SLC4A8: variants seen among roughly 807,000 people sequenced by gnomAD.
SLC4A8 encodes the protein solute carrier family 4 member 8, also known as electroneutral sodium bicarbonate exchanger 1.
SLC4A8 carries 40 observed loss-of-function variants against 125.0 expected under a neutral mutation model. The observed-to-expected ratio is 0.32, with a 90% confidence interval of 0.25 to 0.42. The LOEUF is 0.42. SLC4A8 is among the 10% of genes least tolerant of loss of function. The pLI is 1.00. For missense variants in SLC4A8, 863 were observed against 1,355.1 expected, an observed-to-expected ratio of 0.64 and a Z score of 5.70; for synonymous variants, 456 against 476.0, an observed-to-expected ratio of 0.96 and a Z score of 0.55.
intron 11 of SLC4A8, among the ~76,000 whole-genome samples, chr12:51,466,193 T>G (rs1053045101): frequency 6.6e-6 from 1 of 152,166 alleles, no homozygotes; most frequent in Non-Finnish European, 1.5e-5. Flanking sequence ...ACCTCCCTGA[T>G]ATTGACTAAG....
intron 1 of SLC4A8, among the ~76,000 whole-genome samples, chr12:51,433,211 C>T (rs973372190): frequency 4.6e-5 from 7 of 152,194 alleles, no homozygotes; most frequent in African/African-American, 1.7e-4. Context: ...CATGACAATG[C>T]TTTCTTTCTC....
At chr12:51,427,039 C>T (rs951153368) in intron 1 of SLC4A8, among the ~76,000 whole-genome samples, 4 of 150,890 alleles carry the variant, frequency 2.7e-5, no homozygotes, top group Non-Finnish European at 5.9e-5. Context: ...CCCAGGTTCA[C>T]GCCATTCTCC....
intron 15 of SLC4A8, 139 bp downstream of exon 15, chr12:51,474,586 CACTT>C (rs1415547494): frequency 3.5e-6 from 5 of 1,412,102 alleles, no homozygotes; most frequent in African/African-American, 1.4e-5. Context: ...AATTCTTACT[CACTT>C]TCTTTTATCC....
At chr12:51,502,909 T>C (rs990134567) in intron 22 of SLC4A8, among the ~76,000 whole-genome samples, 14 of 151,224 alleles carry the variant, frequency 9.3e-5, no homozygotes, top group African/African-American at 3.2e-4. Context: ...TGGCGCCATC[T>C]TGGCTCACTG....
At chr12:51,406,283 AAATAAC>A in intron 1 of SLC4A8, among the ~76,000 whole-genome samples, 1 of 152,246 alleles carries the variant, frequency 6.6e-6, no homozygotes, top group Non-Finnish European at 1.5e-5. Context: ...GGCCTGGTAT[AAATAAC>A]ATTCTAAGTC....
At chr12:51,438,676 C>A (rs568976265) in intron 1 of SLC4A8, among the ~76,000 whole-genome samples, 1 of 152,234 alleles carries the variant, frequency 6.6e-6, no homozygotes, top group South Asian at 2.1e-4. Context: ...TATGGTGGTT[C>A]TGTTTGTAGT....
intron 17 of SLC4A8, among the ~76,000 whole-genome samples, chr12:51,486,298 G>A (rs1201686171): frequency 6.6e-6 from 1 of 152,070 alleles, no homozygotes; most frequent in African/African-American, 2.4e-5. Context: ...AAGGGCACTG[G>A]GAAGAATGAA....
intron 16 of SLC4A8, among the ~76,000 whole-genome samples, chr12:51,476,839 A>G (rs1950868698): frequency 6.6e-6 from 1 of 150,474 alleles, no homozygotes; most frequent in African/African-American, 2.5e-5. Flanking sequence ...TTTTTTTTTC[A>G]TTGCACACAA....
rs150411117 is a variant in SLC4A8 at position 51,511,210 on chromosome 12, T to C, written c.*3772T>C. ...CATGGTGGAGCTTGTTTCTGAGGCA[T>C]GGTACAGTGCTGCGGAGGCAAGGCA... On this transcript the variant is annotated 3_prime_UTR_variant, in exon 25 of 25. Transcript: ENST00000453097. The C allele has an allele frequency of 6.6e-6, 1 of 152,220 alleles. No homozygotes were observed. The highest frequency in any genetic ancestry group is 2.4e-5 in the African/African-American group (1 of 41,424). The allele number at this position is 152,220 out of a possible 1,614,324, so 9.4% of individuals were successfully genotyped here.
At chr12:51,478,223 C>G (rs901711213) in intron 16 of SLC4A8, among the ~76,000 whole-genome samples, 1 of 148,298 alleles carries the variant, frequency 6.7e-6, no homozygotes, top group African/African-American at 2.5e-5. Flanking sequence ...TGCAGTGAGC[C>G]AAGATCGTGC....
chr12:51,497,050 TG>T lies in SLC4A8; in HGVS notation c.3009del (p.Trp1003CysfsTer2). The T allele has an allele frequency of 6.2e-7, 1 of 1,614,124 alleles. No homozygotes were observed. The highest frequency in any genetic ancestry group is 8.5e-7 in the Non-Finnish European group (1 of 1,179,992). On this transcript the variant is annotated frameshift_variant, in exon 22 of 25. Coordinates refer to ENST00000453097, the MANE Select transcript of SLC4A8 (RefSeq NM_001039960.3). LOFTEE classifies it high-confidence loss of function. ...DLCFSKRELSWLDDLMPESKK... is the reference protein window; with the variant it reads ...DLCFSKRELSXLDDLMPESKK... ...CTGTTTCTCTAAGCGAGAGCTGAGC[TG>T]GCTAGATGATCTCATGCCTGAAAGC...
chr12:51,505,530 G>A (rs1240068895), intron 23 of SLC4A8, among the ~76,000 whole-genome samples: 1 of 152,248 alleles, frequency 6.6e-6, no homozygotes, highest in African/African-American at 2.4e-5. Flanking sequence ...TGATATCATA[G>A]TGTTGTCAGC....
At chr12:51,474,749 G>C (rs2138326823) in intron 15 of SLC4A8, among the ~76,000 whole-genome samples, 1 of 152,288 alleles carries the variant, frequency 6.6e-6, no homozygotes, top group South Asian at 2.1e-4. Context: ...GTTGAAGAAT[G>C]TTCAAGTTTG....
intron 1 of SLC4A8, among the ~76,000 whole-genome samples, chr12:51,431,271 TCTC>T (rs1262152990): frequency 3.9e-5 from 6 of 152,238 alleles, no homozygotes; most frequent in Non-Finnish European, 7.3e-5. Context: ...TTTAGGATGA[TCTC>T]CTTATTGTAA....
intron 16 of SLC4A8, among the ~76,000 whole-genome samples, chr12:51,477,414 C>T (rs1244957192): frequency 1.3e-5 from 2 of 151,958 alleles, no homozygotes; most frequent in African/African-American, 4.8e-5. Context: ...ATTAGTTTCC[C>T]ACTTAGATTT....
At chr12:51,427,095 C>T (rs527894403) in intron 1 of SLC4A8, among the ~76,000 whole-genome samples, 4 of 151,872 alleles carry the variant, frequency 2.6e-5, no homozygotes, top group Non-Finnish European at 5.9e-5. Flanking sequence ...CCTTCCACCA[C>T]GCCCGGCTAA....
At chr12:51,491,740 G>GACAC (rs35694156) in intron 19 of SLC4A8, among the ~76,000 whole-genome samples, 6,007 of 145,778 alleles carry the variant, frequency 0.041, 134 homozygotes, top group Admixed American at 0.053. Context: ...GGGATGGGCA[G>GACAC]ACACACACAC....
intron 7 of SLC4A8, 119 bp downstream of exon 7, chr12:51,458,769 G>C (rs1950231879): frequency 2.9e-6 from 2 of 683,760 alleles, no homozygotes; most frequent in Admixed American, 5.0e-5. Flanking sequence ...CCTAAGACTA[G>C]AGCCCTTTCT....
intron 1 of SLC4A8, among the ~76,000 whole-genome samples, chr12:51,429,747 G>A (rs187430312): frequency 1.4e-4 from 21 of 151,788 alleles, no homozygotes; most frequent in African/African-American, 4.6e-4. Flanking sequence ...GGTCTCAAGC[G>A]ATCCTCACCC....
Sources: allele counts gnomAD v4.1 joint callset (sites outside exome capture counted in the v4.1 genomes callset), GRCh38; gene constraint gnomAD v4.1.1; transcripts MANE v1.5; gene names NCBI Gene and HGNC (gene_info 2026-07-23, HGNC 2026-07-21).